TNFSF15: variants seen among roughly 807,000 people sequenced by gnomAD.
The protein encoded by TNFSF15 is TNF superfamily member 15.
TNFSF15 carries 15 observed loss-of-function variants against 26.4 expected under a neutral mutation model. That is an observed-to-expected ratio of 0.57 (90% confidence interval 0.38 to 0.87). TNFSF15 has a LOEUF of 0.87. Among genes scored for constraint, TNFSF15 ranks in the 40% least tolerant of loss-of-function variants. TNFSF15 has a pLI of 0.00. For synonymous variants in TNFSF15, 116 were observed against 115.0 expected (o/e 1.01, Z -0.06); for missense variants, 290 against 306.1 (o/e 0.95, Z 0.39).
At chr9:114,794,835 C>A (rs931150935) in intron 1 of TNFSF15, among the ~76,000 whole-genome samples, 1 of 151,916 alleles carries the variant, frequency 6.6e-6, no homozygotes, top group African/African-American at 2.4e-5. Flanking sequence ...CGGTCTCATG[C>A]GAGTAAAGAG....
intron 1 of TNFSF15, among the ~76,000 whole-genome samples, chr9:114,803,041 T>C (rs1397716531): frequency 6.6e-6 from 1 of 152,064 alleles, no homozygotes; most frequent in Non-Finnish European, 1.5e-5. Context: ...ATCTGACTGG[T>C]TTTTACCCAT....
chr9:114,800,232 C>T (rs553905542), intron 1 of TNFSF15, among the ~76,000 whole-genome samples: 9 of 152,074 alleles, frequency 5.9e-5, no homozygotes, highest in African/African-American at 1.7e-4. Context: ...ATATAGAAAG[C>T]GTATTAATCT....
intron 1 of TNFSF15, among the ~76,000 whole-genome samples, chr9:114,805,062 C>G (rs1217624412): frequency 1.3e-5 from 2 of 152,122 alleles, no homozygotes; most frequent in African/African-American, 4.8e-5. Flanking sequence ...CTATCGCTGC[C>G]CCTACCATTG....
intron 1 of TNFSF15, among the ~76,000 whole-genome samples, chr9:114,802,082 T>A (rs1736809820): frequency 6.6e-6 from 1 of 152,222 alleles, no homozygotes; most frequent in Non-Finnish European, 1.5e-5. Context: ...TGGGTTGTAT[T>A]TGCTTGGCTG....
chr9:114,788,377 A>G lies in TNFSF15; in HGVS notation c.*2075T>C, dbSNP rs1829538707. On this transcript the variant is annotated 3_prime_UTR_variant, in exon 4 of 4. Coordinates refer to ENST00000374045, the MANE Select transcript of TNFSF15 (RefSeq NM_005118.4). ...CTGTGCTCCCACTGAGTCTGTGCTG[A>G]CTGTTTTGAGAAAGGGAAGGCAAGA... is the stretch of plus-strand genomic sequence containing the variant. The G allele has an allele frequency of 6.5e-6, 1 of 153,698 alleles. No individual in the cohort carries two copies. Among genetic ancestry groups the G allele is most frequent in the South Asian group, 2.1e-4 (1 of 4,826 alleles). 9.5% of individuals were successfully genotyped at this position (153,698 alleles called of 1,614,324 possible).
intron 1 of TNFSF15, 45 bp downstream of exon 1, chr9:114,805,758 A>G (rs996425070): frequency 1.3e-6 from 2 of 1,568,844 alleles, no homozygotes; most frequent in East Asian, 2.3e-5. Flanking sequence ...CTCACTGCAG[A>G]GAGTCCACTG....
At position 114,785,598 on chromosome 9, in the gene TNFSF15, A is replaced by G. The variant is rs1017615877; in HGVS notation, c.*4854T>C. 4.6e-5 allele frequency: 7 copies of G among 152,224 alleles called. No individual in the cohort carries two copies. Among genetic ancestry groups the G allele is most frequent in the East Asian group, 1.9e-4 (1 of 5,190 alleles). The allele number at this position is 152,224 out of a possible 1,614,324, so 9.4% of individuals were successfully genotyped here. ...CTTGTGACAAGCCCTTTGTTTGAGTATCTCCAGGGACTGAGAAATAGCATC... is the reference window on the plus strand; with the variant it reads ...CTTGTGACAAGCCCTTTGTTTGAGTGTCTCCAGGGACTGAGAAATAGCATC... On this transcript the variant is annotated 3_prime_UTR_variant, in exon 4 of 4. Coordinates refer to ENST00000374045, the MANE Select transcript of TNFSF15 (RefSeq NM_005118.4).
rs1006132482 is a variant in TNFSF15, at chr9:114,785,007, G to A, written c.*5445C>T. 1.3e-5 allele frequency: 2 copies of A among 152,246 alleles called. No homozygotes were observed. Among genetic ancestry groups the A allele is most frequent in the African/African-American group, 2.4e-5 (1 of 41,468 alleles). The allele number at this position is 152,246 out of a possible 1,614,324, so 9.4% of individuals were successfully genotyped here. ...CTACTTTATTTACTTGGCACTGTGT[G>A]TCTTGTTCCTCCTGAATGTATACAC... On this transcript the variant is annotated 3_prime_UTR_variant, in exon 4 of 4. Transcript: ENST00000374045.
chr9:114,799,516 A>T (rs908078228), intron 1 of TNFSF15, among the ~76,000 whole-genome samples: 1 of 152,222 alleles, frequency 6.6e-6, no homozygotes, highest in Non-Finnish European at 1.5e-5. Context: ...CCCCAAGGAC[A>T]GACATTCACT....
chr9:114,796,430 C>T (rs1191088875), intron 1 of TNFSF15, among the ~76,000 whole-genome samples: 1 of 152,210 alleles, frequency 6.6e-6, no homozygotes, highest in Non-Finnish European at 1.5e-5. Context: ...TCTCGCTATC[C>T]ATTATTTACT....
chr9:114,805,941 G>A lies in TNFSF15; in HGVS notation c.72C>T (p.Cys24=). The A allele has an allele frequency of 1.2e-6, 2 of 1,614,110 alleles. No homozygotes were observed. Among genetic ancestry groups the A allele is most frequent in the Non-Finnish European group, 1.7e-6 (2 of 1,180,046 alleles). The change falls in exon 1 of 4, where the codon TGC becomes TGT. Residue 24 remains cysteine, a synonymous_variant. Transcript: ENST00000374045. ...CGCTGCTGCTCCTGGCCTTGGGCCT[G>A]CAGCTGCCGTGCTCTGGCAGCATTT... The part of the protein sequence containing the change: ...SVEMLPEHGS[C]RPKARSSSAR...
At position 114,790,470 on chromosome 9, in the gene TNFSF15, A is replaced by G; in HGVS notation, c.738T>C (p.Phe246=). The G allele has an allele frequency of 6.2e-7, 1 of 1,608,112 alleles. No individual in the cohort carries two copies. Among genetic ancestry groups the G allele is most frequent in the Non-Finnish European group, 8.5e-7 (1 of 1,176,428 alleles). The change falls in exon 4 of 4, where the codon TTT becomes TTC. Residue 246 remains phenylalanine, a synonymous_variant. Coordinates refer to ENST00000374045, the MANE Select transcript of TNFSF15 (RefSeq NM_005118.4). ...VDYTKEDKTF[F]GAFLL Reference sequence around the variant, plus strand: ...TCTCCTCCTATAGTAAGAAGGCTCCAAAGAAGGTTTTATCTTCTTTTGTGT... The same window carrying G: ...TCTCCTCCTATAGTAAGAAGGCTCCGAAGAAGGTTTTATCTTCTTTTGTGT...
intron 3 of TNFSF15, 111 bp from the exon 4 acceptor site, chr9:114,791,017 C>T (rs1564344351): frequency 6.1e-6 from 6 of 990,788 alleles, no homozygotes; most frequent in Non-Finnish European, 9.0e-6. Flanking sequence ...ATATACCTAA[C>T]AGCTAAAAAC....
chr9:114,795,524 A>C (rs1338168260), intron 1 of TNFSF15, among the ~76,000 whole-genome samples: 1 of 152,220 alleles, frequency 6.6e-6, no homozygotes, highest in Non-Finnish European at 1.5e-5. Context: ...ATGTATTAGC[A>C]TTTACACTGT....
intron 3 of TNFSF15, chr9:114,791,178 C>A: frequency 1.7e-6 from 1 of 572,246 alleles, no homozygotes. Context: ...TTACCTGAGA[C>A]CTATGATCCT....
Position 114,790,535 on chromosome 9 carries a change from T to G in TNFSF15, c.673A>C (p.Lys225Gln). The G allele has an allele frequency of 6.2e-7, 1 of 1,614,154 alleles. No homozygotes were observed. The change falls in exon 4 of 4, where the codon AAG becomes CAG. Residue 225 changes from lysine (K) to glutamine (Q), a missense_variant. Around this residue, in one of 3 missense-constraint regions of TNFSF15, gnomAD observed 102 missense variants for 114.7 expected, o/e 0.89. Transcript: ENST00000374045. ...ATGTCACTGACGTTCACCATTAGCT[T>G]GTCCCCTTCTTGCAAGGAGAACATG... ...GAMFSLQEGDKLMVNVSDISL... is the reference protein window; with the variant it reads ...GAMFSLQEGDQLMVNVSDISL...
chr9:114,800,860 G>A (rs1829737747), intron 1 of TNFSF15, among the ~76,000 whole-genome samples: 1 of 152,182 alleles, frequency 6.6e-6, no homozygotes, highest in East Asian at 1.9e-4. Context: ...TTTTCCTCAA[G>A]TCTGTGTGAC....
chr9:114,796,045 C>T, intron 1 of TNFSF15, among the ~76,000 whole-genome samples: 1 of 152,204 alleles, frequency 6.6e-6, no homozygotes, highest in South Asian at 2.1e-4. Context: ...CAGCCCCTTT[C>T]CATCCACTTC....
chr9:114,798,680 A>G (rs56339337), intron 1 of TNFSF15, among the ~76,000 whole-genome samples: 19,588 of 152,186 alleles, frequency 0.13, 1,426 homozygotes, highest in South Asian at 0.22. Context: ...TTGGGATCTG[A>G]ACCTTTAGAC....
Sources: gnomAD v4.1 joint callset for allele counts (sites outside exome capture counted in the v4.1 genomes callset) on GRCh38, gnomAD v4.1.1 for gene constraint, gnomAD v4.1.1 regional missense constraint, MANE v1.5 for transcripts, NCBI Gene and HGNC (gene_info 2026-07-23, HGNC 2026-07-21) for gene names.